GPHN: variants seen among roughly 807,000 people sequenced by gnomAD.
GPHN encodes gephyrin.
GPHN carries 17 observed loss-of-function variants against 95.5 expected under a neutral mutation model. That is an observed-to-expected ratio of 0.18 (90% CI 0.12 to 0.27). GPHN has a LOEUF of 0.27. GPHN is among the 10% of genes least tolerant of loss of function. GPHN has a pLI of 1.00. For synonymous variants in GPHN, 320 were observed against 322.5 expected, an observed-to-expected ratio of 0.99 and a Z score of 0.08; for missense variants, 660 against 978.1, an observed-to-expected ratio of 0.67 and a Z score of 4.34.
At chr14:66,799,722 C>T (rs1291867698) in intron 3 of GPHN, among the ~76,000 whole-genome samples, 1 of 151,822 alleles carries the variant, frequency 6.6e-6, no homozygotes, top group Non-Finnish European at 1.5e-5. Context: ...GTGTTCTTCT[C>T]GTAGGCAACA....
At chr14:67,481,237 T>C in the GPHN span, among the ~76,000 whole-genome samples, 272 of 152,240 alleles carry the variant, frequency 1.8e-3, 4 homozygotes, top group East Asian at 1.2e-3. Context: ...GAGCTATGAT[T>C]GTGCCACTGC....
At chr14:66,683,696 G>A (rs533164380) in intron 2 of GPHN, among the ~76,000 whole-genome samples, 1 of 150,200 alleles carries the variant, frequency 6.7e-6, no homozygotes, top group Admixed American at 6.7e-5. Flanking sequence ...AAATCTCTTC[G>A]GCCAGGCACA....
chr14:66,725,528 G>T (rs1310725531), intron 2 of GPHN, among the ~76,000 whole-genome samples: 1 of 152,178 alleles, frequency 6.6e-6, no homozygotes, highest in African/African-American at 2.4e-5. Flanking sequence ...CTGTTGCCCA[G>T]TCTGGAGTGC....
At chr14:66,712,349 T>C (rs2104109) in intron 2 of GPHN, among the ~76,000 whole-genome samples, 47,304 of 151,282 alleles carry the variant, frequency 0.31, 11,175 homozygotes, top group African/African-American at 0.64. Flanking sequence ...CAGTTATGAG[T>C]ATTTTTTCAT....
intron 9 of GPHN, among the ~76,000 whole-genome samples, chr14:66,967,006 T>C (rs1230461237): frequency 6.6e-6 from 1 of 151,928 alleles, no homozygotes; most frequent in Non-Finnish European, 1.5e-5. Context: ...ATTGCAGAAC[T>C]TTAGGAGAGC....
At chr14:66,699,554 G>A (rs563344820) in intron 2 of GPHN, among the ~76,000 whole-genome samples, 1 of 152,242 alleles carries the variant, frequency 6.6e-6, no homozygotes, top group South Asian at 2.1e-4. Flanking sequence ...GTTATAAGAA[G>A]TTGTTGTTGA....
intron 1 of GPHN, among the ~76,000 whole-genome samples, chr14:66,650,101 A>G (rs1224401572): frequency 6.6e-6 from 1 of 152,082 alleles, no homozygotes; most frequent in South Asian, 2.1e-4. Flanking sequence ...CCAAAAAAAA[A>G]AAAAAGCTGC....
chr14:66,557,882 A>T (rs1389666960), intron 1 of GPHN, among the ~76,000 whole-genome samples: 2 of 152,182 alleles, frequency 1.3e-5, no homozygotes, highest in East Asian at 3.8e-4. Context: ...TAGTTGTAGA[A>T]TTCTAAATTA....
the GPHN span, among the ~76,000 whole-genome samples, chr14:67,435,711 TTCTC>T: frequency 1.3e-5 from 2 of 152,198 alleles, no homozygotes; most frequent in Non-Finnish European, 2.9e-5. Context: ...CTCCTTCCCT[TTCTC>T]TGTCTTGCAC....
chr14:67,333,657 A>C, the GPHN span: 5 of 152,564 alleles, frequency 3.3e-5, no homozygotes, highest in Admixed American at 1.3e-4. Context: ...GGTATACAAA[A>C]TATGCTGATC....
At chr14:66,829,853 CA>C (rs2061519707) in intron 4 of GPHN, among the ~76,000 whole-genome samples, 1 of 152,070 alleles carries the variant, frequency 6.6e-6, no homozygotes, top group Non-Finnish European at 1.5e-5. Context: ...CAGGGGTAAG[CA>C]ATGTAGCCCA....
At chr14:66,642,356 A>C (rs955857698) in intron 1 of GPHN, among the ~76,000 whole-genome samples, 3 of 152,098 alleles carry the variant, frequency 2.0e-5, no homozygotes, top group Admixed American at 6.6e-5. Context: ...GATTCTGTGC[A>C]CTATTATTGA....
chr14:67,256,746 G>GAA, the GPHN span, among the ~76,000 whole-genome samples: 2 of 149,826 alleles, frequency 1.3e-5, no homozygotes, highest in Non-Finnish European at 3.0e-5. Flanking sequence ...AGGGCAGAAA[G>GAA]AAAAAAATCT....
intron 1 of GPHN, among the ~76,000 whole-genome samples, chr14:66,551,996 A>G (rs933885676): frequency 1.3e-5 from 2 of 152,142 alleles, no homozygotes; most frequent in African/African-American, 2.4e-5. Flanking sequence ...AAGAGAAACC[A>G]ACCTTTATCT....
the GPHN span, among the ~76,000 whole-genome samples, chr14:67,208,992 T>G: frequency 6.6e-6 from 1 of 151,162 alleles, no homozygotes; most frequent in Non-Finnish European, 1.5e-5. Flanking sequence ...CATAAAAAAA[T>G]TTCAGATAGG....
the GPHN span, among the ~76,000 whole-genome samples, chr14:67,638,190 T>C: frequency 6.6e-6 from 1 of 152,130 alleles, no homozygotes; most frequent in African/African-American, 2.4e-5. Flanking sequence ...TGACAGTTAA[T>C]TTACTCTAAT....
At chr14:66,760,630 A>G in intron 2 of GPHN, 4 of 403,738 alleles carry the variant, frequency 9.9e-6, no homozygotes, top group Non-Finnish European at 1.9e-5. Context: ...GATTTTGTAA[A>G]TCTAAATGTT....
At chr14:66,996,585 T>C (rs2071813281) in intron 9 of GPHN, among the ~76,000 whole-genome samples, 1 of 152,214 alleles carries the variant, frequency 6.6e-6, no homozygotes, top group Non-Finnish European at 1.5e-5. Context: ...TATATCTATA[T>C]ATGTCTGTGT....
At chr14:66,974,195 C>T (rs574303136) in intron 9 of GPHN, among the ~76,000 whole-genome samples, 3 of 152,286 alleles carry the variant, frequency 2.0e-5, no homozygotes, top group African/African-American at 7.2e-5. Context: ...ATGAGAAAGG[C>T]ACTACCTAGT....
Sources: allele counts gnomAD v4.1 joint callset (sites outside exome capture counted in the v4.1 genomes callset), GRCh38; gene constraint gnomAD v4.1.1; transcripts MANE v1.5; gene names NCBI Gene and HGNC (gene_info 2026-07-23, HGNC 2026-07-21).